RFFL: variants seen among roughly 807,000 people sequenced by gnomAD.
RFFL encodes E3 ubiquitin-protein ligase rififylin.
RFFL carries 16 observed loss-of-function variants against 40.4 expected under a neutral mutation model. The observed-to-expected ratio is 0.40, with a 90% CI of 0.27 to 0.60. RFFL has a LOEUF of 0.60. RFFL is among the 20% of genes least tolerant of loss of function. RFFL has a pLI of 0.47. For missense variants in RFFL, 367 were observed against 451.7 expected (o/e 0.81, Z 1.70); for synonymous variants, 154 against 167.9 (o/e 0.92, Z 0.64).
chr17:35,058,822 AATGTG>A (rs2091275166), intron 1 of RFFL, among the ~76,000 whole-genome samples: 1 of 151,964 alleles, frequency 6.6e-6, no homozygotes, highest in African/African-American at 2.4e-5. Flanking sequence ...GCCCTTTTGC[AATGTG>A]ATTTTTACCC....
intron 1 of RFFL, among the ~76,000 whole-genome samples, chr17:35,039,298 C>A (rs1163955863): frequency 6.6e-6 from 1 of 152,170 alleles, no homozygotes; most frequent in Non-Finnish European, 1.5e-5. Flanking sequence ...CGGCTCACTG[C>A]AACCTCCGCC....
rs1182645050 is a variant in RFFL, at chr17:35,010,997, A to G, written c.*971T>C. The G allele has an allele frequency of 2.6e-5, 4 of 152,172 alleles. No homozygotes were observed. Among genetic ancestry groups the G allele is most frequent in the Non-Finnish European group, 5.9e-5 (4 of 68,040 alleles). The allele number at this position is 152,172 out of a possible 1,614,324, so 9.4% of individuals were successfully genotyped here. On this transcript the variant is annotated 3_prime_UTR_variant, in exon 7 of 7. Transcript: ENST00000394597. The stretch of plus-strand genomic sequence containing the variant: ...GAGCACAGGCTCTTTGCCTAAATCT[A>G]TTTCTTCAATGAAACCAAATTTAAA...
chr17:35,043,806 A>G (rs9898355), intron 1 of RFFL, among the ~76,000 whole-genome samples: 1,814 of 152,278 alleles, frequency 0.012, 31 homozygotes, highest in African/African-American at 0.041. Flanking sequence ...TCAGAATTAA[A>G]ATGGTCTGAT....
chr17:35,039,154 G>A (rs1006924500), intron 1 of RFFL, among the ~76,000 whole-genome samples: 2 of 152,102 alleles, frequency 1.3e-5, no homozygotes, highest in African/African-American at 2.4e-5. Flanking sequence ...CAATCCACCC[G>A]CCTCAGCCTC....
In RFFL at chr17:35,008,587, T is replaced by A. The variant is rs944907129; in HGVS notation, c.*3381A>T. The A allele has an allele frequency of 6.6e-6, 1 of 152,134 alleles. No homozygotes were observed. Among genetic ancestry groups the A allele is most frequent in the Non-Finnish European group, 1.5e-5 (1 of 68,034 alleles). The allele number at this position is 152,134 out of a possible 1,614,324, so 9.4% of individuals were successfully genotyped here. A position where few individuals can be genotyped will look rare whatever the true frequency, so the allele number is the denominator to read the frequency against. On this transcript the variant is annotated 3_prime_UTR_variant, in exon 7 of 7. Coordinates refer to ENST00000394597, the MANE Select transcript of RFFL (RefSeq NM_001017368.2). ...TTGGGACTACCCACATGCACCACCA[T>A]GCACGGCTAATTTTTTGGTTTTTTT...
chr17:35,057,051 GATT>G (rs2091265659), intron 1 of RFFL, among the ~76,000 whole-genome samples: 1 of 151,972 alleles, frequency 6.6e-6, no homozygotes. Context: ...GAGTAGCACG[GATT>G]ACAGGCATAA....
intron 1 of RFFL, among the ~76,000 whole-genome samples, chr17:35,032,476 C>A (rs2091091645): frequency 6.6e-6 from 1 of 151,946 alleles, no homozygotes; most frequent in Admixed American, 6.6e-5. Flanking sequence ...AGGACAAAGT[C>A]TAGGGTCTCT....
intron 1 of RFFL, among the ~76,000 whole-genome samples, chr17:35,085,915 G>C (rs1304623221): frequency 2.0e-5 from 3 of 152,124 alleles, no homozygotes; most frequent in Non-Finnish European, 2.9e-5. Context: ...AAGGATAATG[G>C]GTTTAAACTA....
At chr17:35,063,185 G>A (rs758028090) in intron 1 of RFFL, among the ~76,000 whole-genome samples, 4 of 152,094 alleles carry the variant, frequency 2.6e-5, no homozygotes, top group Non-Finnish European at 4.4e-5. Context: ...GCCGGGGGCC[G>A]TGGCTCATGC....
intron 1 of RFFL, among the ~76,000 whole-genome samples, chr17:35,050,661 CAA>C (rs1433147326): frequency 1.6e-4 from 12 of 73,796 alleles, no homozygotes; most frequent in Admixed American, 3.0e-4. Flanking sequence ...CCAGGCTCTA[CAA>C]AAAAAAAAAA....
chr17:35,076,374 G>A (rs2091376505), intron 1 of RFFL, among the ~76,000 whole-genome samples: 1 of 151,942 alleles, frequency 6.6e-6, no homozygotes, highest in East Asian at 2.0e-4. Context: ...GCAAGGAGCA[G>A]TAATTTTAAA....
chr17:35,062,689 A>G (rs1167344556), intron 1 of RFFL, among the ~76,000 whole-genome samples: 1 of 152,216 alleles, frequency 6.6e-6, no homozygotes, highest in African/African-American at 2.4e-5. Flanking sequence ...GAACGCTTAC[A>G]TATGCTAAGG....
intron 1 of RFFL, among the ~76,000 whole-genome samples, chr17:35,085,981 T>A (rs558951007): frequency 1.3e-5 from 2 of 152,294 alleles, no homozygotes; most frequent in African/African-American, 4.8e-5. Context: ...CTGTTAAATC[T>A]TGGAAACAGG....
At chr17:35,066,154 T>C (rs2142373468), upstream of RFFL, among the ~76,000 whole-genome samples, 1 of 152,158 alleles carries the variant, frequency 6.6e-6, no homozygotes, top group East Asian at 1.9e-4. Context: ...AGAAAATACG[T>C]TATTTTAAAA....
chr17:35,067,205 C>T (rs1367088097), upstream of RFFL, among the ~76,000 whole-genome samples: 1 of 151,718 alleles, frequency 6.6e-6, no homozygotes, highest in Non-Finnish European at 1.5e-5. Flanking sequence ...GCAACCTCCA[C>T]CTCCTGGGTT....
At chr17:35,079,348 C>T (rs2091393340) in intron 1 of RFFL, among the ~76,000 whole-genome samples, 1 of 152,274 alleles carries the variant, frequency 6.6e-6, no homozygotes, top group South Asian at 2.1e-4. Context: ...AAAACAACAA[C>T]ATAAGGAGAA....
chr17:35,033,261 G>T (rs145405724), intron 1 of RFFL, among the ~76,000 whole-genome samples: 2 of 152,048 alleles, frequency 1.3e-5, no homozygotes, highest in Non-Finnish European at 2.9e-5. Flanking sequence ...GGGCATGGTG[G>T]CTCATGGCTG....
At chr17:35,013,677 G>A (rs2090955149) in intron 6 of RFFL, among the ~76,000 whole-genome samples, 1 of 152,178 alleles carries the variant, frequency 6.6e-6, no homozygotes, top group South Asian at 2.1e-4. Flanking sequence ...GAGGTTTGGA[G>A]ACTATACAAA....
At position 35,010,940 on chromosome 17, in the gene RFFL, C is replaced by T. The variant is rs2090934077; in HGVS notation, c.*1028G>A. ...AGTGCTCTGTCTTAACATTTGCTCTCCAGGAACTTCAACAGCAGTCTGGCC... is the reference window on the plus strand; with the variant it reads ...AGTGCTCTGTCTTAACATTTGCTCTTCAGGAACTTCAACAGCAGTCTGGCC... On this transcript the variant is annotated 3_prime_UTR_variant, in exon 7 of 7. Transcript: ENST00000394597. 6.6e-6 allele frequency: 1 copy of T among 152,178 alleles called. No homozygotes were observed. Among genetic ancestry groups the T allele is most frequent in the African/African-American group, 2.4e-5 (1 of 41,436 alleles). 9.4% of individuals were successfully genotyped at this position (152,178 alleles called of 1,614,324 possible).
Sources: allele counts gnomAD v4.1 joint callset (sites outside exome capture counted in the v4.1 genomes callset), GRCh38; gene constraint gnomAD v4.1.1; transcripts MANE v1.5; gene names NCBI Gene and HGNC (gene_info 2026-07-23, HGNC 2026-07-21).